TBC1D31: variants seen among roughly 807,000 people sequenced by gnomAD.
The protein encoded by TBC1D31 is TBC1 domain family member 31.
TBC1D31 carries 99 observed loss-of-function variants against 132.9 expected under a neutral mutation model. The ratio of observed to expected loss-of-function variants is 0.74; its 90% CI spans 0.63 to 0.88. The LOEUF (loss-of-function observed/expected upper bound fraction) is 0.88. TBC1D31 is among the 40% of genes least tolerant of loss of function. TBC1D31 has a pLI of 0.00. For missense variants in TBC1D31, 1,134 were observed against 1,256.6 expected (o/e 0.90, Z 1.48); for synonymous variants, 385 against 419.4 (o/e 0.92, Z 1.00).
rs1280802679 is a variant in TBC1D31 at position 123,077,149 on chromosome 8, A to G, written c.116A>G (p.His39Arg). ...VNIIHNTSDY[H>R]PKVLRFLNVA... Reference sequence around the variant, plus strand: ...ATTATTCACAACACTTCCGATTACCATCCAAAAGTTTTGCGATTTTTGAAT... The same window carrying G: ...ATTATTCACAACACTTCCGATTACCGTCCAAAAGTTTTGCGATTTTTGAAT... The change falls in exon 2 of 22, where the codon CAT (histidine) becomes CGT (arginine). Residue 39 changes from histidine (H) to arginine (R), a missense_variant. By Grantham distance (29) the His-to-Arg change is conservative (BLOSUM62 0). Coordinates refer to ENST00000287380, the MANE Select transcript of TBC1D31 (RefSeq NM_145647.4). The G allele has an allele frequency of 1.2e-5, 19 of 1,612,694 alleles. No individual in the cohort carries two copies. The highest frequency in any genetic ancestry group is 2.2e-5 in the East Asian group (1 of 44,810).
At chr8:123,115,312 T>A (rs1818817041) in intron 10 of TBC1D31, among the ~76,000 whole-genome samples, 1 of 152,224 alleles carries the variant, frequency 6.6e-6, no homozygotes, top group Non-Finnish European at 1.5e-5. Flanking sequence ...TAGGAGAATA[T>A]GTTCTTGTAT....
intron 17 of TBC1D31, among the ~76,000 whole-genome samples, chr8:123,139,147 A>AT (rs773695884): frequency 2.7e-5 from 4 of 145,462 alleles, no homozygotes; most frequent in East Asian, 2.0e-4. Context: ...CAGTCATGTG[A>AT]TTTTTTGTTG....
intron 7 of TBC1D31, chr8:123,102,439 C>A: frequency 5.8e-6 from 2 of 342,972 alleles, no homozygotes; most frequent in African/African-American, 2.2e-5. Context: ...TGTCTTATTG[C>A]AGAAAAAAAT....
intron 2 of TBC1D31, among the ~76,000 whole-genome samples, chr8:123,077,566 C>G (rs1283661828): frequency 7.4e-6 from 1 of 134,544 alleles, no homozygotes; most frequent in Admixed American, 8.0e-5. Context: ...GAGCCTTGTT[C>G]TGTCGCCCAG....
At chr8:123,103,141 A>C (rs1024230669) in intron 7 of TBC1D31, 3 of 152,222 alleles carry the variant, frequency 2.0e-5, no homozygotes, top group Admixed American at 2.0e-4. Context: ...TCGAGTGTTC[A>C]TGGTGACTTT....
downstream of TBC1D31, among the ~76,000 whole-genome samples, chr8:123,156,009 C>T (rs1822977170): frequency 6.6e-6 from 1 of 152,148 alleles, no homozygotes; most frequent in Non-Finnish European, 1.5e-5. Context: ...AATAAACATA[C>T]ATGAAAAATG....
chr8:123,140,102 G>T (rs1821490222), intron 17 of TBC1D31, among the ~76,000 whole-genome samples: 1 of 152,186 alleles, frequency 6.6e-6, no homozygotes, highest in African/African-American at 2.4e-5. Context: ...GCTCACACCT[G>T]TAATCCTAGC....
At chr8:123,144,919 T>C (rs898846208) in intron 20 of TBC1D31, 64 bp downstream of exon 20, 2 of 1,483,272 alleles carry the variant, frequency 1.3e-6, no homozygotes, top group Non-Finnish European at 1.8e-6. Flanking sequence ...TAGGGTCTAT[T>C]ATTATGATTT....
At chr8:123,142,008 G>T (rs995623531) in intron 18 of TBC1D31, among the ~76,000 whole-genome samples, 1 of 151,870 alleles carries the variant, frequency 6.6e-6, no homozygotes. Context: ...CTACAGGCGC[G>T]CGCTGCCACG....
rs769063791 is a variant in TBC1D31 at position 123,109,631 on chromosome 8, T to C, written c.1436+11T>C. 3.8e-6 allele frequency: 6 copies of C among 1,591,816 alleles called. No homozygotes were observed. Among genetic ancestry groups the C allele is most frequent in the Non-Finnish European group, 5.1e-6 (6 of 1,170,920 alleles). ...CAGAGTATTACAGAGGTATGTTCTA[T>C]ATATTGCAGCAATGTGTATGAGACC... On this transcript the variant is annotated intron_variant, in intron 10 of 21. Coordinates refer to ENST00000287380, the MANE Select transcript of TBC1D31 (RefSeq NM_145647.4).
In TBC1D31 at chr8:123,101,000, T is replaced by A. The variant is rs775832511; in HGVS notation, c.1025T>A (p.Ile342Lys). 6.2e-7 allele frequency: 1 copy of A among 1,606,462 alleles called. No homozygotes were observed. The highest frequency in any genetic ancestry group is 8.5e-7 in the Non-Finnish European group (1 of 1,173,196). Residue 342 changes from isoleucine (I) to lysine (K), a missense_variant, in exon 7 of 22, where the codon ATA (isoleucine) becomes AAA (lysine). Ile to Lys is a moderately radical substitution (Grantham distance 102, BLOSUM62 -3). Transcript: ENST00000287380. ...TCAGTTCAGGCTTTAACACAAGAAA[T>A]AAATAAGGTATGTATGATGAAGTAA... ...IYSVQALTQE[I>K]NKPPPPLVKV...
At chr8:123,111,010 T>C (rs998733627) in intron 10 of TBC1D31, among the ~76,000 whole-genome samples, 4 of 152,162 alleles carry the variant, frequency 2.6e-5, no homozygotes, top group Non-Finnish European at 4.4e-5. Flanking sequence ...TTTTATTTCA[T>C]AGTATTGTTT....
At chr8:123,150,726 C>CA (rs1348508787) in intron 21 of TBC1D31, among the ~76,000 whole-genome samples, 1 of 152,114 alleles carries the variant, frequency 6.6e-6, no homozygotes, top group Non-Finnish European at 1.5e-5. Context: ...AAACATCTTA[C>CA]AGAAATGTAA....
In TBC1D31 at chr8:123,109,561, T is replaced by C. The variant is rs758198607; in HGVS notation, c.1377T>C (p.Phe459=). 6.2e-7 allele frequency: 1 copy of C among 1,613,886 alleles called. No homozygotes were observed. The highest frequency in any genetic ancestry group is 1.3e-5 in the African/African-American group (1 of 74,916). Residue 459 remains phenylalanine, a synonymous_variant, in exon 10 of 22, where the codon TTT becomes TTC. Coordinates refer to ENST00000287380, the MANE Select transcript of TBC1D31 (RefSeq NM_145647.4). ...TLIDKGTHVA[F]LNLQKKYPIK... The stretch of plus-strand genomic sequence containing the variant: ...TAGATAAGGGGACTCATGTGGCATT[T>C]CTCAACCTTCAGAAGAAATACCCCA...
chr8:123,085,856 A>T (rs1563675810), intron 4 of TBC1D31, among the ~76,000 whole-genome samples: 1 of 152,156 alleles, frequency 6.6e-6, no homozygotes, highest in Non-Finnish European at 1.5e-5. Context: ...GTAGAAACAT[A>T]TGGTATATAG....
chr8:123,141,665 G>A (rs1355164554), intron 18 of TBC1D31, among the ~76,000 whole-genome samples: 4 of 151,864 alleles, frequency 2.6e-5, no homozygotes, highest in African/African-American at 7.3e-5. Context: ...AGTCTCTTAG[G>A]TGATTTCCTC....
At chr8:123,134,262 C>A in intron 17 of TBC1D31, 56 bp downstream of exon 17, 1 of 1,372,498 alleles carries the variant, frequency 7.3e-7, no homozygotes, top group East Asian at 2.3e-5. Context: ...GGCTCAGTGG[C>A]TCAAACCTGT....
chr8:123,098,224 C>G (rs1164369946), intron 6 of TBC1D31, among the ~76,000 whole-genome samples: 1 of 152,184 alleles, frequency 6.6e-6, no homozygotes, highest in Non-Finnish European at 1.5e-5. Flanking sequence ...TTCACCTCCC[C>G]CCATATCCAC....
At chr8:123,138,143 A>G (rs1337785341) in intron 17 of TBC1D31, among the ~76,000 whole-genome samples, 1 of 152,074 alleles carries the variant, frequency 6.6e-6, no homozygotes, top group Non-Finnish European at 1.5e-5. Context: ...TTACTTCTTT[A>G]TGGAGTAGCT....
Sources: allele counts gnomAD v4.1 joint callset (sites outside exome capture counted in the v4.1 genomes callset), GRCh38; gene constraint gnomAD v4.1.1; transcripts MANE v1.5; gene names NCBI Gene and HGNC (gene_info 2026-07-23, HGNC 2026-07-21).